MACROD2: variants seen among roughly 807,000 people sequenced by gnomAD.
MACROD2 encodes the protein ADP-ribose glycohydrolase MACROD2.
MACROD2 carries 36 observed loss-of-function variants against 70.4 expected under a neutral mutation model. The ratio of observed to expected loss-of-function variants is 0.51; its 90% CI spans 0.39 to 0.68. The LOEUF (loss-of-function observed/expected upper bound fraction) is 0.68, where lower values mean the gene tolerates loss of function less well. Ranked by LOEUF, MACROD2 falls within the 30% of genes least tolerant of loss-of-function variation. The pLI is 0.00. For synonymous variants in MACROD2, 172 were observed against 178.8 expected, an observed-to-expected ratio of 0.96 and a Z score of 0.30; for missense variants, 496 against 538.4, an observed-to-expected ratio of 0.92 and a Z score of 0.78.
chr20:15,369,980 G>A (rs1000735110), intron 6 of MACROD2, among the ~76,000 whole-genome samples: 1 of 152,080 alleles, frequency 6.6e-6, no homozygotes, highest in Non-Finnish European at 1.5e-5. Context: ...CTGTTTTGCT[G>A]ATTGCAGCCT....
rs558313634 is a variant in MACROD2 at position 15,028,207 on chromosome 20, G to A, written c.419-201733G>A. Among the ~76,000 whole-genome samples, 14 of 152,308 alleles carry A rather than the reference G, an allele frequency of 9.2e-5. No homozygotes were observed. In the East Asian group the frequency reaches 1.9e-3, roughly 21 times the overall value. On this transcript the variant is annotated intron_variant, in intron 5 of 17. Coordinates refer to ENST00000684519, the MANE Select transcript of MACROD2 (RefSeq NM_001351661.2). ...CTGGAAGTAGCTTCAAGGCCATTTC[G>A]ATAGAGAATTCTGGGGGCCTGAAAA...
rs145137277 is a variant in MACROD2, at chr20:15,019,735, C to G, written c.419-210205C>G. 1.6e-3 allele frequency among the ~76,000 whole-genome samples: 239 copies of G among 152,084 alleles called. 3 individuals carry two copies. In the East Asian group the frequency reaches 0.025, roughly 16 times the overall value. On this transcript the variant is annotated intron_variant, in intron 5 of 17. Transcript: ENST00000684519. ...GGAGAAGAAGAAAAACAGTTAGAGA[C>G]CATTTGATTATTCTTGAATAGGATT...
intron 5 of MACROD2, among the ~76,000 whole-genome samples, chr20:15,213,023 A>C (rs532194032): frequency 6.6e-6 from 1 of 152,332 alleles, no homozygotes; most frequent in East Asian, 1.9e-4. Flanking sequence ...AAGGAGGTGC[A>C]AAAAGAAAAG....
chr20:15,868,835 C>T (rs575444601), intron 9 of MACROD2, among the ~76,000 whole-genome samples: 8 of 152,118 alleles, frequency 5.3e-5, no homozygotes, highest in South Asian at 2.1e-4. Flanking sequence ...AGCGCAGTAA[C>T]GCAATCATAC....
intron 8 of MACROD2, among the ~76,000 whole-genome samples, chr20:15,757,879 A>G (rs1251071255): frequency 6.6e-6 from 1 of 152,188 alleles, no homozygotes; most frequent in Non-Finnish European, 1.5e-5. Context: ...CCACATCCAA[A>G]TACCATCACA....
intron 3 of MACROD2, among the ~76,000 whole-genome samples, chr20:14,426,237 CTTTGTA>C (rs2083931139): frequency 6.6e-6 from 1 of 151,708 alleles, no homozygotes; most frequent in African/African-American, 2.4e-5. Flanking sequence ...CATTTGATCT[CTTTGTA>C]TTTGATATTT....
chr20:15,006,344 G>A lies in MACROD2; in HGVS notation c.419-223596G>A, dbSNP rs565018868. Among the ~76,000 whole-genome samples, 93 of 152,130 alleles carry A rather than the reference G, an allele frequency of 6.1e-4. 1 individual carries two copies. Among genetic ancestry groups the A allele is most frequent in the African/African-American group, 2.1e-3 (87 of 41,504 alleles). ...CAGACAATAGAAAGGTGGTTATGGG[G>A]TTGGGGCAGGGGAACGGGGAGATGT... On this transcript the variant is annotated intron_variant, in intron 5 of 17. Transcript: ENST00000684519.
chr20:15,940,085 T>C (rs1191732133), intron 12 of MACROD2, among the ~76,000 whole-genome samples: 2 of 152,140 alleles, frequency 1.3e-5, no homozygotes, highest in African/African-American at 2.4e-5. Flanking sequence ...TTTGAGAGTA[T>C]TGAGTTCAAT....
At chr20:14,889,648 T>C (rs1056201660) in intron 5 of MACROD2, among the ~76,000 whole-genome samples, 9 of 152,002 alleles carry the variant, frequency 5.9e-5, no homozygotes, top group African/African-American at 1.9e-4. Context: ...CAGGAGATAA[T>C]TGTGGATAAA....
chr20:14,032,264 G>T (rs2053254629), intron 2 of MACROD2, among the ~76,000 whole-genome samples: 1 of 151,932 alleles, frequency 6.6e-6, no homozygotes, highest in Admixed American at 6.5e-5. Context: ...AAGCAAGGTT[G>T]CAGTGAATAT....
chr20:15,240,616 TA>T (rs1461879244), intron 6 of MACROD2, among the ~76,000 whole-genome samples: 20 of 152,214 alleles, frequency 1.3e-4, no homozygotes, highest in African/African-American at 4.8e-4. Context: ...TATCAGTAAC[TA>T]ATCATTTTAA....
chr20:15,301,168 G>A (rs560268346), intron 6 of MACROD2, among the ~76,000 whole-genome samples: 7 of 152,320 alleles, frequency 4.6e-5, no homozygotes, highest in Admixed American at 4.6e-4. Context: ...CCACTGGGAG[G>A]GTGGGCATGT....
At chr20:15,380,229 C>A (rs1242379887) in intron 6 of MACROD2, among the ~76,000 whole-genome samples, 6 of 152,040 alleles carry the variant, frequency 3.9e-5, no homozygotes, top group Non-Finnish European at 1.5e-5. Context: ...TGATAGATGT[C>A]TTATTCATCT....
intron 5 of MACROD2, among the ~76,000 whole-genome samples, chr20:15,058,347 C>T (rs143695064): frequency 4.5e-4 from 69 of 152,178 alleles, no homozygotes; most frequent in Admixed American, 9.2e-4. Context: ...ATTCTTTTGA[C>T]CTGGGGGGTT....
intron 4 of MACROD2, among the ~76,000 whole-genome samples, chr20:14,526,344 G>A (rs962044490): frequency 5.3e-5 from 8 of 151,934 alleles, no homozygotes; most frequent in African/African-American, 1.9e-4. Context: ...AAAACAGGAT[G>A]GGTAAAAAGG....
At chr20:15,283,363 C>G (rs2077463037) in intron 6 of MACROD2, among the ~76,000 whole-genome samples, 1 of 152,190 alleles carries the variant, frequency 6.6e-6, no homozygotes, top group African/African-American at 2.4e-5. Context: ...AAGGCTCTAG[C>G]TGCCTCTCTT....
chr20:15,376,420 G>T (rs1450001703), intron 6 of MACROD2, among the ~76,000 whole-genome samples: 1 of 152,104 alleles, frequency 6.6e-6, no homozygotes, highest in Non-Finnish European at 1.5e-5. Flanking sequence ...GACTAACTGG[G>T]TCAATACAGA....
intron 4 of MACROD2, among the ~76,000 whole-genome samples, chr20:14,646,245 G>A (rs1985385167): frequency 1.3e-5 from 2 of 150,118 alleles, no homozygotes; most frequent in Admixed American, 1.3e-4. Flanking sequence ...CTAATCAGCT[G>A]CCAATCAGGA....
At chr20:14,470,558 G>T (rs1439787358) in intron 3 of MACROD2, among the ~76,000 whole-genome samples, 19 of 152,170 alleles carry the variant, frequency 1.2e-4, no homozygotes, top group Admixed American at 1.1e-3. Flanking sequence ...GTCCCAGGAA[G>T]ATGGGAGTTT....
Sources: gnomAD v4.1 joint callset for allele counts (sites outside exome capture counted in the v4.1 genomes callset) on GRCh38, gnomAD v4.1.1 for gene constraint, MANE v1.5 for transcripts, NCBI Gene and HGNC (gene_info 2026-07-23, HGNC 2026-07-21) for gene names.